OSBPL8: variants seen among roughly 807,000 people sequenced by gnomAD.
The protein encoded by OSBPL8 is oxysterol-binding protein-related protein 8.
In OSBPL8, 59 loss-of-function variants were observed where a neutral mutation model predicts 125.5. The observed-to-expected ratio is 0.47, with a 90% confidence interval of 0.38 to 0.58. The LOEUF is 0.58. Ranked by LOEUF, OSBPL8 falls within the 20% of genes least tolerant of loss-of-function variation. The pLI is 0.00. For synonymous variants in OSBPL8, 330 were observed against 338.9 expected (o/e 0.97, Z 0.29); for missense variants, 758 against 1,047.8 (o/e 0.72, Z 3.82).
chr12:76,432,416 C>CA (rs1870945559), intron 4 of OSBPL8, among the ~76,000 whole-genome samples: 1 of 151,850 alleles, frequency 6.6e-6, no homozygotes, highest in African/African-American at 2.4e-5. Context: ...CGTGTGTCTA[C>CA]AAAAAATTTT....
intron 2 of OSBPL8, among the ~76,000 whole-genome samples, chr12:76,465,694 A>G (rs1875333102): frequency 6.6e-6 from 1 of 152,098 alleles, no homozygotes; most frequent in Non-Finnish European, 1.5e-5. Context: ...ATGAAATAGC[A>G]AGCATGTAGT....
intron 3 of OSBPL8, among the ~76,000 whole-genome samples, chr12:76,453,828 T>C (rs1485022259): frequency 5.3e-5 from 8 of 151,994 alleles, no homozygotes; most frequent in Non-Finnish European, 1.2e-4. Flanking sequence ...TAGAATGTTC[T>C]TAAAAAAAAA....
intron 1 of OSBPL8, among the ~76,000 whole-genome samples, chr12:76,538,830 C>G (rs1309666012): frequency 6.6e-6 from 1 of 151,720 alleles, no homozygotes; most frequent in Non-Finnish European, 1.5e-5. Context: ...TGTCTGTAGT[C>G]CCAGCTACTC....
At chr12:76,499,978 C>T (rs1879733827) in intron 1 of OSBPL8, among the ~76,000 whole-genome samples, 1 of 152,112 alleles carries the variant, frequency 6.6e-6, no homozygotes, top group Non-Finnish European at 1.5e-5. Context: ...CCTTTACCTG[C>T]CCTGGAAGAT....
chr12:76,553,361 T>C (rs1456641990), intron 1 of OSBPL8, among the ~76,000 whole-genome samples: 2 of 151,908 alleles, frequency 1.3e-5, no homozygotes, highest in East Asian at 3.9e-4. Context: ...CAGATCTGTG[T>C]CCCTCAAATA....
intron 1 of OSBPL8, among the ~76,000 whole-genome samples, chr12:76,527,511 A>G (rs747800048): frequency 3.3e-5 from 5 of 152,220 alleles, no homozygotes; most frequent in Non-Finnish European, 7.3e-5. Context: ...AAATCTGTCA[A>G]TTAGAATTAC....
chr12:76,478,385 T>A (rs1348102874), intron 2 of OSBPL8, among the ~76,000 whole-genome samples: 1 of 151,722 alleles, frequency 6.6e-6, no homozygotes, highest in African/African-American at 2.4e-5. Flanking sequence ...TCTGAAAGGG[T>A]CTTAGAGAGT....
intron 1 of OSBPL8, among the ~76,000 whole-genome samples, chr12:76,494,591 T>C (rs1879081929): frequency 6.6e-6 from 1 of 152,126 alleles, no homozygotes; most frequent in African/African-American, 2.4e-5. Flanking sequence ...GCAACAGGAT[T>C]TCCTGAAAAA....
chr12:76,419,496 C>A, intron 4 of OSBPL8, among the ~76,000 whole-genome samples: 1 of 152,094 alleles, frequency 6.6e-6, no homozygotes, highest in East Asian at 1.9e-4. Context: ...TATCTATCAA[C>A]CCTGGCGCCA....
intron 4 of OSBPL8, among the ~76,000 whole-genome samples, chr12:76,429,092 C>T (rs74103444): frequency 3.5e-4 from 54 of 152,114 alleles, no homozygotes; most frequent in Middle Eastern, 3.4e-3. Context: ...CCTCAGAAAA[C>T]ATTGCTGTAG....
intron 15 of OSBPL8, among the ~76,000 whole-genome samples, chr12:76,380,786 A>G (rs773850949): frequency 2.6e-5 from 4 of 152,118 alleles, no homozygotes; most frequent in Non-Finnish European, 5.9e-5. Context: ...ACAATTTTGT[A>G]TAGAAGTAAT....
intron 17 of OSBPL8, among the ~76,000 whole-genome samples, chr12:76,375,001 T>C (rs1049360619): frequency 6.6e-6 from 1 of 152,310 alleles, no homozygotes; most frequent in Non-Finnish European, 1.5e-5. Flanking sequence ...TTAAATCTCA[T>C]CTTCTATATA....
chr12:76,547,465 T>C (rs561312743), intron 1 of OSBPL8, among the ~76,000 whole-genome samples: 1 of 152,176 alleles, frequency 6.6e-6, no homozygotes, highest in African/African-American at 2.4e-5. Flanking sequence ...CTAGCAAATT[T>C]TTATGAGTAG....
chr12:76,440,119 A>C (rs1272626260), intron 4 of OSBPL8, among the ~76,000 whole-genome samples: 1 of 152,132 alleles, frequency 6.6e-6, no homozygotes, highest in Non-Finnish European at 1.5e-5. Context: ...CTCCTTAATC[A>C]GACAGTTGTT....
At chr12:76,520,043 C>A (rs930704487) in intron 1 of OSBPL8, among the ~76,000 whole-genome samples, 3 of 152,182 alleles carry the variant, frequency 2.0e-5, no homozygotes, top group African/African-American at 4.8e-5. Context: ...CTACCTCCCA[C>A]AAACCCTCCT....
chr12:76,450,250 T>C (rs1317611439), intron 4 of OSBPL8, among the ~76,000 whole-genome samples: 2 of 152,134 alleles, frequency 1.3e-5, no homozygotes, highest in African/African-American at 4.8e-5. Context: ...CATCATATAA[T>C]GCATAGGACA....
intron 4 of OSBPL8, among the ~76,000 whole-genome samples, chr12:76,439,579 C>A (rs34269366): frequency 0.22 from 33,094 of 151,836 alleles, 3,824 homozygotes; most frequent in Non-Finnish European, 0.27. Context: ...TGTGAAATTA[C>A]CTTTTTTTTT....
intron 2 of OSBPL8, among the ~76,000 whole-genome samples, chr12:76,480,710 G>C (rs1877379461): frequency 6.6e-6 from 1 of 152,156 alleles, no homozygotes; most frequent in African/African-American, 2.4e-5. Flanking sequence ...CGGGTGAGAT[G>C]CCTGGGCAGA....
chr12:76,425,165 C>T (rs954190511), intron 4 of OSBPL8, among the ~76,000 whole-genome samples: 1 of 152,108 alleles, frequency 6.6e-6, no homozygotes, highest in Admixed American at 6.5e-5. Context: ...ATTTAGAATT[C>T]CATACCCAGC....
Sources: gnomAD v4.1 joint callset for allele counts (sites outside exome capture counted in the v4.1 genomes callset) on GRCh38, gnomAD v4.1.1 for gene constraint, MANE v1.5 for transcripts, NCBI Gene and HGNC (gene_info 2026-07-23, HGNC 2026-07-21) for gene names.